Variants in ZC3H12C observed in about 807,000 individuals in gnomAD.
ZC3H12C encodes probable ribonuclease ZC3H12C.
ZC3H12C carries 20 observed loss-of-function variants against 76.3 expected under a neutral mutation model. The observed-to-expected ratio is 0.26, with a 90% CI of 0.18 to 0.38. The LOEUF (loss-of-function observed/expected upper bound fraction) is 0.38. ZC3H12C is among the 10% of genes least tolerant of loss of function. The pLI is 1.00. For missense variants in ZC3H12C, 874 were observed against 1,086.5 expected (o/e 0.80, Z 2.75); for synonymous variants, 352 against 399.6 (o/e 0.88, Z 1.42).
At chr11:110,105,054 C>G (rs896028442) in intron 1 of ZC3H12C, among the ~76,000 whole-genome samples, 2 of 152,158 alleles carry the variant, frequency 1.3e-5, no homozygotes, top group African/African-American at 4.8e-5. Flanking sequence ...TCTTAGTCAT[C>G]TGTACTCATT....
chr11:110,107,950 A>T lies in ZC3H12C; in HGVS notation c.21+14518A>T, dbSNP rs188424694. Among the ~76,000 whole-genome samples the T allele has an allele frequency of 1.5e-3, 235 of 152,164 alleles. 1 individual carries two copies. Among genetic ancestry groups the T allele is most frequent in the African/African-American group, 5.6e-3 (232 of 41,518 alleles). On this transcript the variant is annotated intron_variant, in intron 1 of 5. Coordinates refer to ENST00000278590, the MANE Select transcript of ZC3H12C (RefSeq NM_033390.2). ...AGTGCTGGGATTACAGGTGTGAGCC[A>T]CCATACCCAGCCTTTCAGAGACAGT... is the stretch of plus-strand genomic sequence containing the variant.
chr11:110,134,638 T>A (rs1316562727), intron 1 of ZC3H12C, among the ~76,000 whole-genome samples: 1 of 152,114 alleles, frequency 6.6e-6, no homozygotes, highest in African/African-American at 2.4e-5. Flanking sequence ...TAGGAAAAAA[T>A]TGAAGTGGAT....
At chr11:110,101,546 TA>T (rs145610829) in intron 1 of ZC3H12C, among the ~76,000 whole-genome samples, 24 of 102,122 alleles carry the variant, frequency 2.4e-4, no homozygotes, top group African/African-American at 8.0e-4. Context: ...GAATCAATGC[TA>T]TTTTTTTTTT....
chr11:110,116,757 AC>A (rs1379014646), intron 1 of ZC3H12C, among the ~76,000 whole-genome samples: 1 of 152,218 alleles, frequency 6.6e-6, no homozygotes, highest in Non-Finnish European at 1.5e-5. Context: ...AATCTTCATA[AC>A]AACCCTATGC....
intron 1 of ZC3H12C, among the ~76,000 whole-genome samples, chr11:110,101,642 G>A (rs934496398): frequency 1.6e-4 from 25 of 151,820 alleles, no homozygotes; most frequent in Admixed American, 2.6e-4. Flanking sequence ...CTGCCTCCCG[G>A]GTTCAAGCGA....
At chr11:110,159,543 A>G in intron 4 of ZC3H12C, 53 bp downstream of exon 4, 6 of 1,409,204 alleles carry the variant, frequency 4.3e-6, no homozygotes, top group Non-Finnish European at 5.9e-6. Context: ...AAATATAACT[A>G]TCCCTGGCAG....
intron 2 of ZC3H12C, 59 bp downstream of exon 2, chr11:110,137,473 C>G (rs1861987412): frequency 1.3e-6 from 2 of 1,491,000 alleles, no homozygotes; most frequent in Non-Finnish European, 8.9e-7. Flanking sequence ...AGCCTTATTT[C>G]TAATTTTGTG....
At chr11:110,147,266 G>A (rs1237915820) in intron 2 of ZC3H12C, among the ~76,000 whole-genome samples, 7 of 152,136 alleles carry the variant, frequency 4.6e-5, no homozygotes. Flanking sequence ...CTGGGGAAAA[G>A]GTCATATGCA....
chr11:110,136,819 T>C lies in ZC3H12C; in HGVS notation c.178T>C (p.Trp60Arg), dbSNP rs747784239. The change falls in exon 2 of 6, where the codon TGG becomes CGG. Residue 60 changes from tryptophan to arginine, a missense_variant. By Grantham distance (101) the Trp-to-Arg change is moderately radical. Around this residue, in one of 3 missense-constraint regions of ZC3H12C, gnomAD observed 210 missense variants for 227.1 expected, o/e 0.92. Transcript: ENST00000278590. ...CCCACAGTTAAGTCCAGCTGTACCT[T>C]GGTCAACAGTAGAAAACCCAAGTAT... ...TDPQLSPAVP[W>R]STVENPSMDT... 6.2e-7 allele frequency: 1 copy of C among 1,613,844 alleles called. No homozygotes were observed. Among genetic ancestry groups the C allele is most frequent in the Non-Finnish European group, 8.5e-7 (1 of 1,179,868 alleles).
At chr11:110,107,645 C>A (rs1421974628) in intron 1 of ZC3H12C, among the ~76,000 whole-genome samples, 1 of 152,100 alleles carries the variant, frequency 6.6e-6, no homozygotes, top group African/African-American at 2.4e-5. Context: ...CCTGCCTCAG[C>A]CTCCTGAGTA....
At chr11:110,126,483 G>A (rs1293417719) in intron 1 of ZC3H12C, among the ~76,000 whole-genome samples, 1 of 152,110 alleles carries the variant, frequency 6.6e-6, no homozygotes, top group East Asian at 1.9e-4. Context: ...GCCTCCTAAA[G>A]TGCTGGGATT....
intron 1 of ZC3H12C, among the ~76,000 whole-genome samples, chr11:110,118,322 G>A (rs1033662722): frequency 6.6e-6 from 1 of 151,492 alleles, no homozygotes; most frequent in African/African-American, 2.4e-5. Flanking sequence ...CAAGCGCCTC[G>A]GTGAAACACT....
intron 3 of ZC3H12C, among the ~76,000 whole-genome samples, chr11:110,155,415 A>G (rs777319094): frequency 1.3e-5 from 2 of 152,188 alleles, no homozygotes; most frequent in African/African-American, 4.8e-5. Flanking sequence ...GTTGGTCTTA[A>G]AATGTTAATA....
At chr11:110,142,044 C>T (rs1342419476) in intron 2 of ZC3H12C, among the ~76,000 whole-genome samples, 2 of 152,144 alleles carry the variant, frequency 1.3e-5, no homozygotes, top group African/African-American at 2.4e-5. Flanking sequence ...GTGAGTGTCA[C>T]AGGTATTACT....
rs1194027985 is a variant in ZC3H12C, at chr11:110,166,713, G to A, written c.*976G>A. On this transcript the variant is annotated 3_prime_UTR_variant, in exon 6 of 6. Coordinates refer to ENST00000278590, the MANE Select transcript of ZC3H12C (RefSeq NM_033390.2). Reference sequence around the variant, plus strand: ...TTTAATGAATCTAATTATTCACAATGCAACTTTTATATTTAACATACTCTT... The same window carrying A: ...TTTAATGAATCTAATTATTCACAATACAACTTTTATATTTAACATACTCTT... The A allele has an allele frequency of 2.6e-5, 4 of 152,138 alleles. No individual in the cohort carries two copies. Among genetic ancestry groups the A allele is most frequent in the Non-Finnish European group, 1.5e-5 (1 of 68,024 alleles). 9.4% of individuals were successfully genotyped at this position (152,138 alleles called of 1,614,324 possible). A position where few individuals can be genotyped will look rare whatever the true frequency, so the allele number is the denominator to read the frequency against.
intron 1 of ZC3H12C, among the ~76,000 whole-genome samples, chr11:110,112,391 T>G (rs982929097): frequency 6.6e-6 from 1 of 151,798 alleles, no homozygotes; most frequent in Non-Finnish European, 1.5e-5. Flanking sequence ...GGATTTTGCC[T>G]TGTTGCCCAG....
rs1040175981 is a variant in ZC3H12C, at chr11:110,168,550, A to C, written c.*2813A>C. On this transcript the variant is annotated 3_prime_UTR_variant, in exon 6 of 6. Transcript: ENST00000278590. ...ACCAGAGAGATGTGTTAATAAGTGA[A>C]GTTGCCAGAAATGGTCAACTGATCG... 1.3e-5 allele frequency: 2 copies of C among 152,206 alleles called. No individual in the cohort carries two copies. The highest frequency in any genetic ancestry group is 2.4e-5 in the African/African-American group (1 of 41,466). 9.4% of individuals were successfully genotyped at this position (152,206 alleles called of 1,614,324 possible). A position where few individuals can be genotyped will look rare whatever the true frequency, so the allele number is the denominator to read the frequency against.
At chr11:110,161,046 G>T (rs988340674) in intron 4 of ZC3H12C, among the ~76,000 whole-genome samples, 4 of 151,342 alleles carry the variant, frequency 2.6e-5, no homozygotes, top group African/African-American at 9.7e-5. Context: ...GTTTCACCAT[G>T]TTGGCCAGGC....
Position 110,093,415 on chromosome 11 carries a change from C to T in ZC3H12C, c.4C>T (p.Pro2Ser), listed in dbSNP as rs747253606. The stretch of plus-strand genomic sequence containing the variant: ...CCGCTTTCTCGCGGGGCTGGCTATG[C>T]CGGGTGGCGGCTCCCAGGTTTGTCC... M[P>S]GGGSQEYGVL... Residue 2 changes from proline to serine, a missense_variant, in exon 1 of 6, where the codon CCG becomes TCG. Physicochemically the swap from Pro to Ser is moderately conservative, Grantham distance 74. This residue lies in a region of ZC3H12C where 210 missense variants were observed against 227.1 expected (regional missense o/e 0.92). Transcript: ENST00000278590. 8.3e-7 allele frequency: 1 copy of T among 1,200,810 alleles called. No homozygotes were observed. Among genetic ancestry groups the T allele is most frequent in the Non-Finnish European group, 1.0e-6 (1 of 965,078 alleles). 74.4% of individuals were successfully genotyped at this position (1,200,810 alleles called of 1,614,324 possible).
Sources: allele counts gnomAD v4.1 joint callset (sites outside exome capture counted in the v4.1 genomes callset), GRCh38; gene constraint gnomAD v4.1.1; regional missense constraint gnomAD v4.1.1; transcripts MANE v1.5; gene names NCBI Gene and HGNC (gene_info 2026-07-23, HGNC 2026-07-21).